The following EPHA6 variants were observed in gnomAD, a reference collection of about 807,000 sequenced individuals.
The protein encoded by EPHA6 is ephrin type-A receptor 6.
A neutral mutation model predicts 112.0 loss-of-function variants in EPHA6; 50 were observed. The observed-to-expected ratio is 0.45, with a 90% CI of 0.36 to 0.56. The LOEUF (loss-of-function observed/expected upper bound fraction) is 0.56, where lower values mean the gene tolerates loss of function less well. Among genes scored for constraint, EPHA6 ranks in the 20% least tolerant of loss-of-function variants. EPHA6 has a pLI of 0.00. For missense variants in EPHA6, 1,280 were observed against 1,417.4 expected (o/e 0.90, Z 1.56); for synonymous variants, 529 against 490.7 (o/e 1.08, Z -1.03).
chr3:97,084,215 G>C (rs2046822579), intron 3 of EPHA6, among the ~76,000 whole-genome samples: 1 of 149,314 alleles, frequency 6.7e-6, no homozygotes, highest in Admixed American at 6.7e-5. Flanking sequence ...AAATTTCACA[G>C]AAATCTTGGT....
chr3:97,552,104 C>T (rs781084041), intron 11 of EPHA6, among the ~76,000 whole-genome samples: 34 of 152,104 alleles, frequency 2.2e-4, no homozygotes, highest in Non-Finnish European at 3.5e-4. Context: ...AAACAATGTT[C>T]CTAGGTCATA....
At chr3:97,087,098 T>A (rs930239949) in intron 3 of EPHA6, among the ~76,000 whole-genome samples, 16 of 152,110 alleles carry the variant, frequency 1.1e-4, no homozygotes, top group African/African-American at 3.4e-4. Flanking sequence ...ACTGCTTTTG[T>A]TCAAGAAAGC....
At chr3:96,834,490 AAAGCTC>A (rs2034280525) in intron 1 of EPHA6, among the ~76,000 whole-genome samples, 1 of 152,034 alleles carries the variant, frequency 6.6e-6, no homozygotes, top group Admixed American at 6.6e-5. Flanking sequence ...GCAGTAATGA[AAAGCTC>A]AAGACGTCGG....
intron 3 of EPHA6, among the ~76,000 whole-genome samples, chr3:97,200,152 C>G (rs1481772163): frequency 6.6e-6 from 1 of 152,094 alleles, no homozygotes. Flanking sequence ...TGTGAATGGT[C>G]TTAAACTCAG....
intron 1 of EPHA6, among the ~76,000 whole-genome samples, chr3:96,840,474 G>A (rs1007390439): frequency 1.3e-5 from 2 of 152,116 alleles, no homozygotes; most frequent in African/African-American, 4.8e-5. Context: ...CTCACAGGAA[G>A]TTTAAAATGC....
Position 97,110,734 on chromosome 3 carries a change from G to A in EPHA6, c.1115-115530G>A, listed in dbSNP as rs151141968. ...AGTAGAGATGGGATTTCACCATGTT[G>A]GCCAGGCTGGTCTCAAACTCCTCAC... On this transcript the variant is annotated intron_variant, in intron 3 of 17. Transcript: ENST00000389672. 4.7e-3 allele frequency among the ~76,000 whole-genome samples: 714 copies of A among 151,820 alleles called. 7 individuals are homozygous for A. The highest frequency in any genetic ancestry group is 0.017 in the African/African-American group (691 of 41,414).
intron 5 of EPHA6, among the ~76,000 whole-genome samples, chr3:97,362,253 A>AAT (rs1406977364): frequency 3.3e-5 from 5 of 152,114 alleles, no homozygotes; most frequent in Non-Finnish European, 7.4e-5. Flanking sequence ...AATAGAGATT[A>AAT]ATATATATAA....
At chr3:96,904,527 C>T (rs900081061) in intron 2 of EPHA6, among the ~76,000 whole-genome samples, 10 of 150,988 alleles carry the variant, frequency 6.6e-5, no homozygotes, top group Admixed American at 6.6e-5. Context: ...TTACTGGGTG[C>T]AGCACACCAA....
In EPHA6 at chr3:97,457,706, A is replaced by T. The variant is rs989658673; in HGVS notation, c.1894+8976A>T. Among the ~76,000 whole-genome samples, 4 of 152,136 alleles carry T rather than the reference A, an allele frequency of 2.6e-5. No homozygotes were observed. The East Asian group carries it at 7.7e-4, about 29-fold the overall frequency. ...GCTTTTTTCACCATAAAGTCACAATACTGAATGGACAAATGTTTATAAAAT... is the reference window on the plus strand; with the variant it reads ...GCTTTTTTCACCATAAAGTCACAATTCTGAATGGACAAATGTTTATAAAAT... On this transcript the variant is annotated intron_variant, in intron 7 of 17. Transcript: ENST00000389672.
chr3:97,478,851 G>A (rs1176672597), intron 8 of EPHA6, among the ~76,000 whole-genome samples: 5 of 151,872 alleles, frequency 3.3e-5, no homozygotes, highest in Non-Finnish European at 7.4e-5. Context: ...TTATCCAGAG[G>A]GAGACTAGAA....
chr3:97,039,273 G>T (rs905402591), intron 3 of EPHA6, among the ~76,000 whole-genome samples: 3 of 152,024 alleles, frequency 2.0e-5, no homozygotes, highest in Non-Finnish European at 2.9e-5. Context: ...AAATGATAGT[G>T]TAGGAAGTAT....
chr3:96,928,110 C>A (rs2040133101), intron 2 of EPHA6, among the ~76,000 whole-genome samples: 1 of 152,190 alleles, frequency 6.6e-6, no homozygotes, highest in African/African-American at 2.4e-5. Flanking sequence ...CTCGCCAGGT[C>A]CTTCCCTGGA....
At chr3:96,861,071 G>T (rs1291213275) in intron 1 of EPHA6, among the ~76,000 whole-genome samples, 1 of 151,986 alleles carries the variant, frequency 6.6e-6, no homozygotes, top group Admixed American at 6.6e-5. Context: ...TTATCCTTTG[G>T]TCTCTGTGGT....
At chr3:97,323,563 C>T (rs1462695011) in intron 5 of EPHA6, among the ~76,000 whole-genome samples, 1 of 151,774 alleles carries the variant, frequency 6.6e-6, no homozygotes, top group Non-Finnish European at 1.5e-5. Flanking sequence ...AAAAGGAAAA[C>T]ACTAAACTTA....
At chr3:96,938,117 T>C (rs1291923331) in intron 2 of EPHA6, among the ~76,000 whole-genome samples, 1 of 151,460 alleles carries the variant, frequency 6.6e-6, no homozygotes, top group Non-Finnish European at 1.5e-5. Flanking sequence ...ATATGAACTT[T>C]AAAGTAGTTT....
At chr3:96,897,376 C>A (rs1011637752) in intron 2 of EPHA6, among the ~76,000 whole-genome samples, 1 of 152,100 alleles carries the variant, frequency 6.6e-6, no homozygotes, top group South Asian at 2.1e-4. Flanking sequence ...GTGCTAACAC[C>A]TGACCATAGT....
At chr3:96,868,175 T>TGA (rs879840874) in intron 2 of EPHA6, among the ~76,000 whole-genome samples, 7 of 145,928 alleles carry the variant, frequency 4.8e-5, no homozygotes, top group East Asian at 2.0e-4. Flanking sequence ...TGTGTGTGTG[T>TGA]GAGAGAGAGA....
At chr3:97,259,635 A>G (rs2079431431) in intron 5 of EPHA6, among the ~76,000 whole-genome samples, 1 of 152,176 alleles carries the variant, frequency 6.6e-6, no homozygotes. Flanking sequence ...TAAACTGAGG[A>G]GCAAGCATTT....
chr3:97,098,953 A>G (rs895827846), intron 3 of EPHA6, among the ~76,000 whole-genome samples: 1 of 151,952 alleles, frequency 6.6e-6, no homozygotes, highest in Non-Finnish European at 1.5e-5. Context: ...AACACTTTCT[A>G]TAAGAATTTA....
Sources: allele counts gnomAD v4.1 joint callset (sites outside exome capture counted in the v4.1 genomes callset), GRCh38; gene constraint gnomAD v4.1.1; transcripts MANE v1.5; gene names NCBI Gene and HGNC (gene_info 2026-07-23, HGNC 2026-07-21).